Variants in FOXP2 observed in about 807,000 individuals in gnomAD.
FOXP2 encodes forkhead box P2, also known as forkhead box protein P2.
A neutral mutation model predicts 115.8 loss-of-function variants in FOXP2; 12 were observed. The ratio of observed to expected loss-of-function variants is 0.10; its 90% CI spans 0.07 to 0.17. The LOEUF is 0.17. Ranked by LOEUF, FOXP2 falls within the 10% of genes least tolerant of loss-of-function variation. The pLI is 1.00. For synonymous variants in FOXP2, 328 were observed against 297.7 expected (o/e 1.10, Z -1.05); for missense variants, 629 against 843.5 (o/e 0.75, Z 3.15).
chr7:114,486,148 C>T (rs967422787), intron 2 of FOXP2, among the ~76,000 whole-genome samples: 3 of 152,108 alleles, frequency 2.0e-5, no homozygotes, highest in Non-Finnish European at 4.4e-5. Flanking sequence ...ATACCCGAGA[C>T]TGGGTAATTT....
intron 2 of FOXP2, among the ~76,000 whole-genome samples, chr7:114,496,245 C>T (rs1043789431): frequency 9.2e-5 from 14 of 151,984 alleles, no homozygotes; most frequent in African/African-American, 3.1e-4. Flanking sequence ...TTCTGTTTAT[C>T]ATAAAGAACT....
intron 1 of FOXP2, among the ~76,000 whole-genome samples, chr7:114,187,390 A>G (rs1201754706): frequency 6.6e-6 from 1 of 152,208 alleles, no homozygotes; most frequent in Non-Finnish European, 1.5e-5. Context: ...GTACACAGAC[A>G]TTCAGCCAAA....
chr7:114,518,950 C>T (rs1257300519), intron 2 of FOXP2, among the ~76,000 whole-genome samples: 1 of 152,118 alleles, frequency 6.6e-6, no homozygotes, highest in Non-Finnish European at 1.5e-5. Context: ...CGTCATTATT[C>T]TTACTTTGTA....
chr7:114,300,573 G>T (rs1796854851), intron 2 of FOXP2, among the ~76,000 whole-genome samples: 1 of 151,896 alleles, frequency 6.6e-6, no homozygotes, highest in Admixed American at 6.6e-5. Context: ...TCAACTGGTT[G>T]CAATTCTCTG....
rs962088393 is a variant in FOXP2 at position 114,297,305 on chromosome 7, C to G, written c.-11+9196C>G. Reference sequence around the variant, plus strand: ...AACCCACACACCTCTGAATCATGTCCCACGCAAACTTGGTGTGCTTGGTCA... The same window carrying G: ...AACCCACACACCTCTGAATCATGTCGCACGCAAACTTGGTGTGCTTGGTCA... On this transcript the variant is annotated intron_variant, in intron 2 of 17. Coordinates refer to the FOXP2 transcript ENST00000634411. 3 of 563,850 alleles carry G rather than the reference C, an allele frequency of 5.3e-6. No homozygotes were observed. The Admixed American group carries it at 6.8e-5, about 13-fold the overall frequency. 34.9% of individuals were successfully genotyped at this position (563,850 alleles called of 1,614,324 possible). A position where few individuals can be genotyped will look rare whatever the true frequency, so the allele number is the denominator to read the frequency against.
intron 2 of FOXP2, among the ~76,000 whole-genome samples, chr7:114,309,693 T>G (rs1159955958): frequency 6.6e-6 from 1 of 151,808 alleles, no homozygotes; most frequent in South Asian, 2.1e-4. Flanking sequence ...TGAGACAGAG[T>G]CTTACTTTGT....
At chr7:114,284,884 G>A (rs534678373) in intron 1 of FOXP2, among the ~76,000 whole-genome samples, 48 of 152,142 alleles carry the variant, frequency 3.2e-4, no homozygotes, top group Non-Finnish European at 5.1e-4. Flanking sequence ...GCAGGAACAG[G>A]GATGGAACTG....
At chr7:114,617,761 C>G (rs954328343) in intron 3 of FOXP2, among the ~76,000 whole-genome samples, 3 of 152,176 alleles carry the variant, frequency 2.0e-5, no homozygotes, top group Non-Finnish European at 4.4e-5. Context: ...CCCTTGCACT[C>G]CAGCCTGGGC....
intron 3 of FOXP2, chr7:114,570,857 TG>T: frequency 6.2e-7 from 1 of 1,612,116 alleles, no homozygotes; most frequent in Non-Finnish European, 8.5e-7. Flanking sequence ...CTTCTGGTGA[TG>T]GGCATCCTCA....
At chr7:114,143,425 G>A (rs555071706) in intron 1 of FOXP2, among the ~76,000 whole-genome samples, 4 of 152,056 alleles carry the variant, frequency 2.6e-5, no homozygotes, top group Non-Finnish European at 2.9e-5. Context: ...AGTTAGGATG[G>A]GATAGGTTAT....
chr7:114,537,388 T>C (rs1393497518), intron 3 of FOXP2, among the ~76,000 whole-genome samples: 2 of 151,624 alleles, frequency 1.3e-5, no homozygotes, highest in Non-Finnish European at 3.0e-5. Context: ...ACTTTGTATT[T>C]TTTATTTTGA....
intron 2 of FOXP2, among the ~76,000 whole-genome samples, chr7:114,403,792 C>T (rs931582336): frequency 6.6e-6 from 1 of 151,994 alleles, no homozygotes; most frequent in Admixed American, 6.6e-5. Flanking sequence ...TATTGGGGAA[C>T]CCTCTCTAAA....
intron 2 of FOXP2, among the ~76,000 whole-genome samples, chr7:114,291,369 G>A (rs771456895): frequency 2.2e-4 from 34 of 151,886 alleles, no homozygotes; most frequent in Non-Finnish European, 4.4e-4. Context: ...CCATCACATT[G>A]CGGGGTAGGA....
chr7:114,207,926 C>T (rs1437254200), intron 1 of FOXP2, among the ~76,000 whole-genome samples: 2 of 152,184 alleles, frequency 1.3e-5, no homozygotes, highest in African/African-American at 4.8e-5. Flanking sequence ...TTTGGGAAAC[C>T]AAGGCAGGCG....
At chr7:114,265,511 C>T (rs1361320133) in intron 1 of FOXP2, among the ~76,000 whole-genome samples, 1 of 152,176 alleles carries the variant, frequency 6.6e-6, no homozygotes, top group African/African-American at 2.4e-5. Flanking sequence ...GTGCGTGTGG[C>T]TTTTCCAGGC....
intron 2 of FOXP2, among the ~76,000 whole-genome samples, chr7:114,350,500 A>G (rs1791458501): frequency 6.6e-6 from 1 of 152,102 alleles, no homozygotes; most frequent in Non-Finnish European, 1.5e-5. Flanking sequence ...CTTGTCTTTA[A>G]TGTAACTTGC....
At chr7:114,579,507 C>T (rs1053071268) in intron 3 of FOXP2, among the ~76,000 whole-genome samples, 2 of 151,994 alleles carry the variant, frequency 1.3e-5, no homozygotes, top group Non-Finnish European at 2.9e-5. Context: ...AAACTAGGCT[C>T]TTTTCTTTCC....
intron 16 of FOXP2, among the ~76,000 whole-genome samples, chr7:114,680,196 T>C (rs1036462876): frequency 6.6e-6 from 1 of 152,236 alleles, no homozygotes; most frequent in Non-Finnish European, 1.5e-5. Context: ...AATTAGGAGC[T>C]GGCTATGCCT....
chr7:114,496,575 C>G (rs1246668782), intron 2 of FOXP2, among the ~76,000 whole-genome samples: 2 of 151,948 alleles, frequency 1.3e-5, no homozygotes, highest in Non-Finnish European at 2.9e-5. Flanking sequence ...AACTGATGAA[C>G]AAAAGATAAT....
Sources: gnomAD v4.1 joint callset for allele counts (sites outside exome capture counted in the v4.1 genomes callset) on GRCh38, gnomAD v4.1.1 for gene constraint, MANE v1.5 for transcripts, NCBI Gene and HGNC (gene_info 2026-07-23, HGNC 2026-07-21) for gene names.